Variants in PRPF18 observed in about 807,000 individuals in gnomAD.
PRPF18 encodes the protein pre-mRNA processing factor 18.
A neutral mutation model predicts 46.5 loss-of-function variants in PRPF18; 38 were observed. The observed-to-expected ratio is 0.82, with a 90% confidence interval of 0.63 to 1.07. PRPF18 has a LOEUF of 1.07. Among genes scored for constraint, PRPF18 ranks in the 50% least tolerant of loss-of-function variants. The probability of loss-of-function intolerance (pLI) is 0.00; values close to 1 mark genes in which losing one functional copy is unlikely to be tolerated. For missense variants in PRPF18, 263 were observed against 410.0 expected (o/e 0.64, Z 3.10); for synonymous variants, 152 against 146.7 (o/e 1.04, Z -0.26).
intron 3 of PRPF18, among the ~76,000 whole-genome samples, chr10:13,601,664 G>T (rs1407267006): frequency 6.6e-6 from 1 of 152,104 alleles, no homozygotes; most frequent in Middle Eastern, 3.2e-3. Flanking sequence ...GGGGGTGTGT[G>T]TGTATGAACA....
chr10:13,651,768 T>G, the PRPF18 span: 2 of 644,020 alleles, frequency 3.1e-6, no homozygotes, highest in South Asian at 1.9e-5. Flanking sequence ...ATAGTTCCAG[T>G]TCCCCATGTA....
chr10:13,611,488 T>C, intron 5 of PRPF18, 127 bp from the exon 6 acceptor site: 1 of 722,380 alleles, frequency 1.4e-6, no homozygotes, highest in Non-Finnish European at 2.2e-6. Flanking sequence ...AGAAATTCCA[T>C]CCGATTTTTA....
rs1000111411 is a variant in PRPF18, at chr10:13,592,358, T to A, written c.67-5100T>A. ...TGGGGAAGAGCAAGTCCCTTTGTTT[T>A]AATTTTTTAGAAAACACGGGTCAGG... On this transcript the variant is annotated intron_variant, in intron 1 of 9. Coordinates refer to ENST00000378572, the MANE Select transcript of PRPF18 (RefSeq NM_003675.4). 4.0e-5 allele frequency: 11 copies of A among 273,040 alleles called. No individual in the cohort carries two copies. In the South Asian group the frequency reaches 4.5e-4, roughly 11 times the overall value. 16.9% of individuals were successfully genotyped at this position (273,040 alleles called of 1,614,324 possible).
chr10:13,641,626 G>A, the PRPF18 span: 1 of 152,214 alleles, frequency 6.6e-6, no homozygotes, highest in Admixed American at 6.5e-5. Context: ...GAAAAGGAGA[G>A]CCCTGGACTA....
At chr10:13,611,756 AG>A in intron 6 of PRPF18, 73 bp downstream of exon 6, 1 of 1,362,024 alleles carries the variant, frequency 7.3e-7, no homozygotes, top group Non-Finnish European at 1.0e-6. Context: ...TGGATTACCA[AG>A]GGTTAAAGGC....
chr10:13,634,707 C>T (rs1040329216), downstream of PRPF18, among the ~76,000 whole-genome samples: 1 of 152,222 alleles, frequency 6.6e-6, no homozygotes, highest in Admixed American at 6.5e-5. Flanking sequence ...ATTACATGTA[C>T]ACAGGCACGT....
At chr10:13,648,279 G>GTA in the PRPF18 span, 2 of 152,334 alleles carry the variant, frequency 1.3e-5, no homozygotes, top group African/African-American at 4.8e-5. Flanking sequence ...ATTACTATAT[G>GTA]TAGGTGGTAT....
chr10:13,652,154 A>C, the PRPF18 span: 1 of 613,684 alleles, frequency 1.6e-6, no homozygotes. Context: ...TAATTGAGTC[A>C]AAATACCTAG....
intron 4 of PRPF18, among the ~76,000 whole-genome samples, chr10:13,609,817 T>C (rs1434790014): frequency 6.6e-6 from 1 of 152,248 alleles, no homozygotes; most frequent in Non-Finnish European, 1.5e-5. Context: ...AGACTGGCCA[T>C]TGTTTGTGCA....
the PRPF18 span, chr10:13,655,277 A>T: frequency 2.6e-5 from 4 of 152,228 alleles, no homozygotes; most frequent in Non-Finnish European, 5.9e-5. Context: ...TCATCTCTTT[A>T]CATAAAGCAA....
At chr10:13,589,328 A>G (rs2079923909) in intron 1 of PRPF18, among the ~76,000 whole-genome samples, 1 of 152,216 alleles carries the variant, frequency 6.6e-6, no homozygotes, top group Non-Finnish European at 1.5e-5. Flanking sequence ...TTAGCTTGCA[A>G]CTCAATTACT....
chr10:13,636,358 G>A, the PRPF18 span, among the ~76,000 whole-genome samples: 140 of 152,344 alleles, frequency 9.2e-4, 5 homozygotes, highest in South Asian at 0.028. Flanking sequence ...GGTCGAGGCT[G>A]TAGTGAGCAG....
At chr10:13,651,791 G>T in the PRPF18 span, 1 of 705,364 alleles carries the variant, frequency 1.4e-6, no homozygotes, top group Non-Finnish European at 2.6e-6. Context: ...TAGAAATAAG[G>T]CATAAATACA....
At chr10:13,607,688 A>C (rs2080210759) in intron 4 of PRPF18, among the ~76,000 whole-genome samples, 1 of 152,128 alleles carries the variant, frequency 6.6e-6, no homozygotes, top group African/African-American at 2.4e-5. Flanking sequence ...CCGGGCCAGA[A>C]GTTTTATATT....
intron 2 of PRPF18, among the ~76,000 whole-genome samples, chr10:13,599,469 C>T (rs183474898): frequency 3.3e-5 from 5 of 152,248 alleles, no homozygotes; most frequent in South Asian, 2.1e-4. Flanking sequence ...TGGGAAACCA[C>T]GTTTCAGTAT....
At chr10:13,640,320 CTT>C in the PRPF18 span, 4 of 152,126 alleles carry the variant, frequency 2.6e-5, no homozygotes, top group African/African-American at 9.7e-5. Context: ...AATCATCTCT[CTT>C]AGAATAATTG....
At chr10:13,600,403 T>TATC in intron 3 of PRPF18, 55 bp downstream of exon 3, 1 of 1,312,598 alleles carries the variant, frequency 7.6e-7, no homozygotes, top group Non-Finnish European at 1.1e-6. Flanking sequence ...TGTTTACATT[T>TATC]ATCTCCAGCT....
At chr10:13,650,399 C>G in the PRPF18 span, among the ~76,000 whole-genome samples, 3 of 152,004 alleles carry the variant, frequency 2.0e-5, no homozygotes, top group African/African-American at 7.3e-5. Context: ...TGCATGTGCA[C>G]ATGTATGCAT....
chr10:13,619,931 G>T (rs1244856254), intron 9 of PRPF18, among the ~76,000 whole-genome samples: 1 of 151,778 alleles, frequency 6.6e-6, no homozygotes, highest in East Asian at 1.9e-4. Flanking sequence ...CAGAATGCCA[G>T]TTTGTGATCT....
Sources: gnomAD v4.1 joint callset for allele counts (sites outside exome capture counted in the v4.1 genomes callset) on GRCh38, gnomAD v4.1.1 for gene constraint, MANE v1.5 for transcripts, NCBI Gene and HGNC (gene_info 2026-07-23, HGNC 2026-07-21) for gene names.